PCDHGA2: variants seen among roughly 807,000 people sequenced by gnomAD.
PCDHGA2 encodes the protein protocadherin gamma subfamily A, 2, also known as protocadherin gamma-A2.
Under a neutral mutation model 59.2 loss-of-function variants are expected in PCDHGA2, and 40 were observed. The observed-to-expected ratio is 0.68, with a 90% confidence interval of 0.52 to 0.88. The LOEUF (loss-of-function observed/expected upper bound fraction) is 0.88. Ranked by LOEUF, PCDHGA2 falls within the 40% of genes least tolerant of loss-of-function variation. The pLI is 0.00. For missense variants in PCDHGA2, 1,226 were observed against 1,204.0 expected (o/e 1.02, Z -0.27); for synonymous variants, 560 against 526.0 (o/e 1.06, Z -0.89).
intron 1 of PCDHGA2, chr5:141,399,003 A>T: frequency 6.2e-7 from 1 of 1,613,966 alleles, no homozygotes; most frequent in Non-Finnish European, 8.5e-7. Context: ...GTCTGAATTC[A>T]AAGAGCGGAG....
intron 1 of PCDHGA2, among the ~76,000 whole-genome samples, chr5:141,471,791 A>C (rs904614629): frequency 1.3e-5 from 2 of 152,238 alleles, no homozygotes; most frequent in Admixed American, 1.3e-4. Context: ...ATGCTATGTC[A>C]TATAAAAGAC....
chr5:141,407,958 A>G lies in PCDHGA2; in HGVS notation c.2424+66563A>G, dbSNP rs1018466165. On this transcript the variant is annotated intron_variant, in intron 1 of 3. Transcript: ENST00000394576. ...TGGGCGCCGCTGTCGGCCAGTGCAG[A>G]GCAAGCGCTGACGCCGGGGATCCGT... 5 of 660,632 alleles carry G rather than the reference A, an allele frequency of 7.6e-6. No homozygotes were observed. In the South Asian group the frequency reaches 1.2e-4, roughly 15 times the overall value. 40.9% of individuals were successfully genotyped at this position (660,632 alleles called of 1,614,324 possible).
intron 1 of PCDHGA2, chr5:141,370,692 T>G: frequency 6.2e-7 from 1 of 1,613,730 alleles, no homozygotes; most frequent in Non-Finnish European, 8.5e-7. Context: ...TGGCAAGAAG[T>G]CGACGTGTGT....
At chr5:141,419,471 G>A in intron 1 of PCDHGA2, 1 of 1,612,462 alleles carries the variant, frequency 6.2e-7, no homozygotes, top group Non-Finnish European at 8.5e-7. Context: ...CCGCGACCAG[G>A]GCTCGCCCGC....
chr5:141,415,901 C>A, intron 1 of PCDHGA2: 1 of 847,932 alleles, frequency 1.2e-6, no homozygotes, highest in Non-Finnish European at 1.6e-6. Context: ...CTAAGACAGA[C>A]TTCCATACAG....
chr5:141,391,135 C>T (rs1481057033), intron 1 of PCDHGA2: 2 of 152,104 alleles, frequency 1.3e-5, no homozygotes, highest in Non-Finnish European at 2.9e-5. Flanking sequence ...AATCATTCTC[C>T]TACCTCTAGG....
intron 1 of PCDHGA2, among the ~76,000 whole-genome samples, chr5:141,462,868 T>C (rs1232965498): frequency 6.6e-6 from 1 of 152,228 alleles, no homozygotes; most frequent in East Asian, 1.9e-4. Context: ...TTTGTCTTTC[T>C]TTAAGAACTA....
intron 1 of PCDHGA2, chr5:141,478,018 C>T: frequency 1.9e-6 from 3 of 1,614,124 alleles, no homozygotes; most frequent in Non-Finnish European, 2.5e-6. Context: ...CCCGTCCAGT[C>T]CAAGACACAG....
intron 1 of PCDHGA2, chr5:141,413,229 C>T (rs200934469): frequency 6.2e-7 from 1 of 1,613,914 alleles, no homozygotes; most frequent in African/African-American, 1.3e-5. Context: ...GCGGGCTGGT[C>T]CTGCTCTGCC....
In PCDHGA2 at chr5:141,491,144, TGGA is replaced by T. The variant is rs757881044; in HGVS notation, c.2425-3659_2425-3657del. ...GAGGTGCGCACAGCCCGGGCCTTAC[TGGA>T]GGATGACTCTGACACCCAGCAGGTG... On this transcript the variant is annotated intron_variant, in intron 1 of 3. Coordinates refer to ENST00000394576, the MANE Select transcript of PCDHGA2 (RefSeq NM_018915.4). This position sits in a 1 kb window ranked among gnomAD's most constrained non-coding sequence, Gnocchi z 6.9. The T allele has an allele frequency of 1.2e-6, 2 of 1,614,158 alleles. No individual in the cohort carries two copies. The highest frequency in any genetic ancestry group is 2.2e-5 in the South Asian group (2 of 91,086).
Position 141,418,592 on chromosome 5 carries a change from G to A in PCDHGA2, c.2425-76215G>A, listed in dbSNP as rs772314584. Reference sequence around the variant, plus strand: ...TGACAACCCCCCAGTGTTCAGCCAGGACGTGTACAGGGTTAGCCTTCGGGA... The same window carrying A: ...TGACAACCCCCCAGTGTTCAGCCAGAACGTGTACAGGGTTAGCCTTCGGGA... On this transcript the variant is annotated intron_variant, in intron 1 of 3. Transcript: ENST00000394576. 18 of 1,614,020 alleles carry A rather than the reference G, an allele frequency of 1.1e-5. No homozygotes were observed. The highest frequency in any genetic ancestry group is 1.5e-5 in the Non-Finnish European group (18 of 1,179,902).
intron 1 of PCDHGA2, among the ~76,000 whole-genome samples, chr5:141,484,723 G>T (rs930331672): frequency 1.3e-5 from 2 of 151,930 alleles, no homozygotes; most frequent in Non-Finnish European, 2.9e-5. Flanking sequence ...AAGGGGCGGG[G>T]TCAGTCGGTG....
chr5:141,379,441 A>G (rs185197715), intron 1 of PCDHGA2: 93 of 152,360 alleles, frequency 6.1e-4, no homozygotes, highest in African/African-American at 2.0e-3. Context: ...TGTTATACAT[A>G]TGATTATTTC....
intron 1 of PCDHGA2, chr5:141,392,285 A>G (rs554377698): frequency 6.6e-6 from 1 of 152,312 alleles, no homozygotes; most frequent in East Asian, 1.9e-4. Flanking sequence ...TTAGAGCACA[A>G]TGGGAAATGA....
At chr5:141,419,203 C>A in intron 1 of PCDHGA2, 1 of 1,613,988 alleles carries the variant, frequency 6.2e-7, no homozygotes, top group South Asian at 1.1e-5. Context: ...TCAATGACAA[C>A]GCGCCGGTTT....
intron 1 of PCDHGA2, chr5:141,372,343 G>A: frequency 6.2e-7 from 1 of 1,613,790 alleles, no homozygotes; most frequent in Non-Finnish European, 8.5e-7. Context: ...CGTGATGGAG[G>A]ACAGCAGCCT....
intron 1 of PCDHGA2, chr5:141,361,712 G>A (rs1306730531): frequency 1.9e-6 from 3 of 1,613,282 alleles, no homozygotes; most frequent in Non-Finnish European, 2.5e-6. Context: ...GAGCAGCTGC[G>A]CGCCTTCGAG....
At chr5:141,423,695 G>T in intron 1 of PCDHGA2, 1 of 1,338,020 alleles carries the variant, frequency 7.5e-7, no homozygotes, top group Non-Finnish European at 9.7e-7. Context: ...AATTGTTGGT[G>T]TCTTGGCACA....
At chr5:141,380,146 C>T (rs754635164) in intron 1 of PCDHGA2, among the ~76,000 whole-genome samples, 19 of 151,960 alleles carry the variant, frequency 1.3e-4, no homozygotes, top group African/African-American at 4.1e-4. Flanking sequence ...GTGATCCACC[C>T]GCCTCAGCCT....
Sources: allele counts gnomAD v4.1 joint callset (sites outside exome capture counted in the v4.1 genomes callset), GRCh38; gene constraint gnomAD v4.1.1; non-coding constraint Gnocchi (gnomAD v3.1); transcripts MANE v1.5; gene names NCBI Gene and HGNC (gene_info 2026-07-23, HGNC 2026-07-21).